The following SFXN5 variants were observed in gnomAD, a reference collection of about 807,000 sequenced individuals.
The protein encoded by SFXN5 is sideroflexin-5.
Under a neutral mutation model 50.2 loss-of-function variants are expected in SFXN5, and 43 were observed. That is an observed-to-expected ratio of 0.86 (90% CI 0.67 to 1.11). SFXN5 has a LOEUF of 1.11. Among genes scored for constraint, SFXN5 ranks in the 50% least tolerant of loss-of-function variants. The pLI, the probability that SFXN5 is intolerant of heterozygous loss-of-function variation, is 0.00. For synonymous variants in SFXN5, 203 were observed against 185.8 expected, an observed-to-expected ratio of 1.09 and a Z score of -0.75; for missense variants, 463 against 454.1, an observed-to-expected ratio of 1.02 and a Z score of -0.18.
chr2:72,958,125 A>T (rs1342404287), intron 13 of SFXN5, among the ~76,000 whole-genome samples: 1 of 152,096 alleles, frequency 6.6e-6, no homozygotes, highest in Non-Finnish European at 1.5e-5. Flanking sequence ...GGGTGGGTGA[A>T]TGGTAGGCAT....
At chr2:73,058,142 G>C (rs1257413181) in intron 2 of SFXN5, 1 of 164,556 alleles carries the variant, frequency 6.1e-6, no homozygotes, top group Non-Finnish European at 1.3e-5. Flanking sequence ...GAACTAAGTA[G>C]GGAGGACGAT....
At chr2:72,969,697 C>CT (rs35747238) in intron 11 of SFXN5, among the ~76,000 whole-genome samples, 14,441 of 142,056 alleles carry the variant, frequency 0.1, 735 homozygotes, top group East Asian at 0.17. Flanking sequence ...GCCCGGCCTA[C>CT]TTTTTTTTTT....
chr2:72,994,321 G>T (rs922812091), intron 9 of SFXN5, among the ~76,000 whole-genome samples: 5 of 152,186 alleles, frequency 3.3e-5, no homozygotes, highest in African/African-American at 1.2e-4. Flanking sequence ...ACACAGAGTT[G>T]TCAGTAAGCA....
At chr2:72,976,454 G>A (rs903162518) in intron 10 of SFXN5, among the ~76,000 whole-genome samples, 1 of 152,046 alleles carries the variant, frequency 6.6e-6, no homozygotes, top group Non-Finnish European at 1.5e-5. Flanking sequence ...TTTTCTTCAA[G>A]TAAAGAACAA....
In SFXN5 at chr2:72,942,205, CT is replaced by C. The variant is rs772042228; in HGVS notation, c.*2816del. 6.6e-6 allele frequency: 1 copy of C among 152,240 alleles called. No individual in the cohort carries two copies. Among genetic ancestry groups the C allele is most frequent in the Non-Finnish European group, 1.5e-5 (1 of 68,064 alleles). 9.4% of individuals were successfully genotyped at this position (152,240 alleles called of 1,614,324 possible). On this transcript the variant is annotated 3_prime_UTR_variant, in exon 14 of 14. Coordinates refer to ENST00000272433, the MANE Select transcript of SFXN5 (RefSeq NM_144579.3). Reference sequence around the variant, plus strand: ...GCCAGGCTTGAAGACCACCCTGGGTCTGTCCACCAGCCTTTTTCCTCCTCTA... The same window carrying C: ...GCCAGGCTTGAAGACCACCCTGGGTCGTCCACCAGCCTTTTTCCTCCTCTA...
chr2:73,031,374 A>G (rs1480563056), intron 3 of SFXN5, among the ~76,000 whole-genome samples: 1 of 152,256 alleles, frequency 6.6e-6, no homozygotes, highest in Non-Finnish European at 1.5e-5. Context: ...GAGATGGTAG[A>G]GAAACATGAT....
chr2:73,044,840 C>A (rs1405847223), intron 2 of SFXN5, among the ~76,000 whole-genome samples: 2 of 152,184 alleles, frequency 1.3e-5, no homozygotes, highest in African/African-American at 4.8e-5. Context: ...TCTGGAGGGG[C>A]CTGCACCCAG....
chr2:72,967,216 A>G (rs1217161123), intron 12 of SFXN5: 5 of 152,350 alleles, frequency 3.3e-5, no homozygotes, highest in African/African-American at 1.2e-4. Context: ...TCACTCATTC[A>G]TCCTTTCAAC....
At chr2:73,001,120 T>C (rs1673854323) in intron 7 of SFXN5, among the ~76,000 whole-genome samples, 1 of 152,272 alleles carries the variant, frequency 6.6e-6, no homozygotes, top group Middle Eastern at 3.4e-3. Flanking sequence ...AACCTCAGGT[T>C]AGGGGTGGAT....
chr2:73,063,632 A>G (rs564152429), intron 1 of SFXN5, among the ~76,000 whole-genome samples: 2 of 152,322 alleles, frequency 1.3e-5, no homozygotes, highest in East Asian at 1.9e-4. Context: ...AGACCTGCCA[A>G]TCAAGAGGTA....
At chr2:73,055,326 C>A (rs1051777884) in intron 2 of SFXN5, among the ~76,000 whole-genome samples, 16 of 152,236 alleles carry the variant, frequency 1.1e-4, no homozygotes, top group Non-Finnish European at 1.9e-4. Context: ...CGGGTTCATA[C>A]CCTGGCTCCA....
At chr2:73,021,788 A>G (rs939410235) in intron 5 of SFXN5, among the ~76,000 whole-genome samples, 15 of 152,210 alleles carry the variant, frequency 9.9e-5, no homozygotes, top group African/African-American at 3.6e-4. Flanking sequence ...AAATGGCAAG[A>G]AGGAGGCGTC....
intron 1 of SFXN5, among the ~76,000 whole-genome samples, chr2:73,060,752 A>G (rs1313939632): frequency 6.8e-6 from 1 of 147,372 alleles, no homozygotes; most frequent in African/African-American, 2.5e-5. Flanking sequence ...CCCAGGCTGG[A>G]GTGCAGTGGC....
At chr2:72,998,800 G>A (rs1673559901) in intron 9 of SFXN5, 149 bp downstream of exon 9, 1 of 773,840 alleles carries the variant, frequency 1.3e-6, no homozygotes, top group Non-Finnish European at 2.1e-6. Flanking sequence ...TTCTCGGCTT[G>A]GAAAGCCTGT....
At chr2:72,975,154 G>A (rs1203800923) in intron 10 of SFXN5, among the ~76,000 whole-genome samples, 1 of 152,234 alleles carries the variant, frequency 6.6e-6, no homozygotes, top group Non-Finnish European at 1.5e-5. Flanking sequence ...GTTAAGTCCT[G>A]AAGAGAATTT....
chr2:72,974,298 C>G (rs927079445), intron 10 of SFXN5, among the ~76,000 whole-genome samples: 4 of 151,924 alleles, frequency 2.6e-5, no homozygotes, highest in Non-Finnish European at 5.9e-5. Flanking sequence ...CCAGCCCTGA[C>G]TCACGGTGGC....
At chr2:72,951,197 CCT>C (rs1332350039) in intron 13 of SFXN5, among the ~76,000 whole-genome samples, 3 of 152,166 alleles carry the variant, frequency 2.0e-5, no homozygotes, top group African/African-American at 4.8e-5. Context: ...GCTAGCGCTC[CCT>C]GACTCCCAGG....
At chr2:73,070,345 A>G (rs1474055029) in intron 1 of SFXN5, 1 of 152,030 alleles carries the variant, frequency 6.6e-6, no homozygotes, top group Non-Finnish European at 1.5e-5. Context: ...TTTTTTTCAG[A>G]CGGCTCAGGA....
chr2:73,029,430 T>G (rs1266829932), intron 3 of SFXN5, among the ~76,000 whole-genome samples: 3 of 131,128 alleles, frequency 2.3e-5, no homozygotes, highest in East Asian at 3.9e-4. Flanking sequence ...AAATGAGCAG[T>G]TTTTTTTTTA....
Sources: allele counts gnomAD v4.1 joint callset (sites outside exome capture counted in the v4.1 genomes callset), GRCh38; gene constraint gnomAD v4.1.1; transcripts MANE v1.5; gene names NCBI Gene and HGNC (gene_info 2026-07-23, HGNC 2026-07-21).